Variants in RALYL observed in about 807,000 individuals in gnomAD.
RALYL encodes the protein RALY RNA binding protein like.
RALYL carries 29 observed loss-of-function variants against 35.1 expected under a neutral mutation model. The ratio of observed to expected loss-of-function variants is 0.83; its 90% CI spans 0.61 to 1.13. The LOEUF (loss-of-function observed/expected upper bound fraction) is 1.13, where lower values mean the gene tolerates loss of function less well. Among genes scored for constraint, RALYL ranks in the 50% most tolerant of loss-of-function variants. The pLI is 0.00. For synonymous variants in RALYL, 120 were observed against 127.6 expected (o/e 0.94, Z 0.40); for missense variants, 359 against 360.4 (o/e 1.00, Z 0.03).
At chr8:84,545,898 A>G (rs2060321173) in intron 2 of RALYL, among the ~76,000 whole-genome samples, 1 of 152,170 alleles carries the variant, frequency 6.6e-6, no homozygotes, top group Admixed American at 6.5e-5. Context: ...TTATCAAATT[A>G]TTATGTTTTT....
intron 1 of RALYL, among the ~76,000 whole-genome samples, chr8:84,186,914 T>C (rs914169368): frequency 7.2e-5 from 11 of 152,154 alleles, no homozygotes; most frequent in African/African-American, 2.7e-4. Flanking sequence ...GAAGGTAGTA[T>C]CCTAGATTTA....
intron 1 of RALYL, among the ~76,000 whole-genome samples, chr8:84,228,113 C>T (rs1254727104): frequency 6.7e-6 from 1 of 149,384 alleles, no homozygotes; most frequent in Non-Finnish European, 1.5e-5. Flanking sequence ...ATTCCTTTGT[C>T]CCAAAGTGCT....
intron 2 of RALYL, among the ~76,000 whole-genome samples, chr8:84,594,293 G>A (rs974130734): frequency 2.0e-5 from 3 of 151,984 alleles, no homozygotes; most frequent in African/African-American, 7.2e-5. Context: ...AGACAAAATA[G>A]GATATTATAA....
chr8:84,374,663 C>T (rs1856568919), intron 1 of RALYL, among the ~76,000 whole-genome samples: 1 of 151,782 alleles, frequency 6.6e-6, no homozygotes, highest in South Asian at 2.1e-4. Flanking sequence ...ATGATAAGAA[C>T]TCATGCACAC....
At position 84,844,584 on chromosome 8, in the gene RALYL, A is replaced by G. The variant is rs567937209; in HGVS notation, c.366-5396A>G. 2.4e-4 allele frequency among the ~76,000 whole-genome samples: 36 copies of G among 152,362 alleles called. 1 individual carries two copies. The South Asian group carries it at 7.2e-3, about 31-fold the overall frequency. On this transcript the variant is annotated intron_variant, in intron 4 of 8. Transcript: ENST00000521268. ...GGCAATTCCTCAGGGATCCAGAACT[A>G]GAAATACCATTTGACCCAGCCATCC...
Position 84,544,265 on chromosome 8 carries a change from T to A in RALYL, c.256+14688T>A, listed in dbSNP as rs557526401. Reference sequence around the variant, plus strand: ...CACGATTCCAAAATCAAATTAAAAATATATATATTCAAAGAAATTTAGCTT... The same window carrying A: ...CACGATTCCAAAATCAAATTAAAAAAATATATATTCAAAGAAATTTAGCTT... On this transcript the variant is annotated intron_variant, in intron 2 of 8. Coordinates refer to ENST00000521268, the MANE Select transcript of RALYL (RefSeq NM_173848.7). Among the ~76,000 whole-genome samples, 467 of 152,062 alleles carry A rather than the reference T, an allele frequency of 3.1e-3. 2 individuals are homozygous for A. The highest frequency in any genetic ancestry group is 0.01 in the African/African-American group (435 of 41,532).
chr8:84,656,175 T>G (rs965406841), intron 2 of RALYL, among the ~76,000 whole-genome samples: 1 of 152,166 alleles, frequency 6.6e-6, no homozygotes, highest in African/African-American at 2.4e-5. Flanking sequence ...AGTACAAGAC[T>G]GGTTTTTACC....
In RALYL at chr8:84,284,731, A is replaced by G. The variant is rs942231627; in HGVS notation, c.-24+100307A>G. The stretch of plus-strand genomic sequence containing the variant: ...GAAGTCATTAATTGGAAAGAGACAC[A>G]GGTTAAAATTCATTTGGCAGTGATA... On this transcript the variant is annotated intron_variant, in intron 1 of 8. Transcript: ENST00000521268. Among the ~76,000 whole-genome samples the G allele has an allele frequency of 6.6e-5, 10 of 152,336 alleles. No homozygotes were observed. The East Asian group carries it at 1.9e-3, about 29-fold the overall frequency.
At chr8:84,848,877 C>G (rs529512910) in intron 4 of RALYL, among the ~76,000 whole-genome samples, 1 of 152,172 alleles carries the variant, frequency 6.6e-6, no homozygotes, top group East Asian at 1.9e-4. Context: ...TACAGTTACT[C>G]CATTCATCAT....
chr8:84,209,772 T>TTC (rs1819003949), intron 1 of RALYL, among the ~76,000 whole-genome samples: 1 of 152,164 alleles, frequency 6.6e-6, no homozygotes, highest in Admixed American at 6.5e-5. Context: ...CATGACAAAG[T>TTC]AGATTTGGCA....
intron 1 of RALYL, among the ~76,000 whole-genome samples, chr8:84,461,680 A>G (rs2050788816): frequency 6.6e-6 from 1 of 151,720 alleles, no homozygotes; most frequent in Non-Finnish European, 1.5e-5. Flanking sequence ...ATACTTCTTC[A>G]TGGCAAAAAA....
intron 1 of RALYL, among the ~76,000 whole-genome samples, chr8:84,251,215 A>C (rs906027062): frequency 1.7e-4 from 26 of 152,260 alleles, no homozygotes; most frequent in African/African-American, 5.8e-4. Context: ...ATATTAAATG[A>C]TGGCTTTTGC....
intron 4 of RALYL, among the ~76,000 whole-genome samples, chr8:84,811,308 T>C (rs191747180): frequency 6.6e-6 from 1 of 152,260 alleles, no homozygotes; most frequent in East Asian, 1.9e-4. Context: ...TCTTGAATGA[T>C]AATTGTTTTG....
intron 4 of RALYL, among the ~76,000 whole-genome samples, chr8:84,840,301 C>G (rs1224587275): frequency 6.6e-6 from 1 of 152,078 alleles, no homozygotes; most frequent in African/African-American, 2.4e-5. Context: ...AAAACCAAGG[C>G]ACCAGAACTA....
At chr8:84,718,475 A>G (rs1299884367) in intron 2 of RALYL, among the ~76,000 whole-genome samples, 2 of 152,142 alleles carry the variant, frequency 1.3e-5, no homozygotes, top group African/African-American at 2.4e-5. Context: ...GTTAAGAAAC[A>G]TTCTCTGGCC....
At chr8:84,464,711 G>A (rs1356978377) in intron 1 of RALYL, among the ~76,000 whole-genome samples, 3 of 151,976 alleles carry the variant, frequency 2.0e-5, no homozygotes, top group South Asian at 2.1e-4. Flanking sequence ...CTAAGGAATC[G>A]CTACACTGAC....
chr8:84,456,130 G>A (rs2050105612), intron 1 of RALYL, among the ~76,000 whole-genome samples: 1 of 151,962 alleles, frequency 6.6e-6, no homozygotes, highest in Non-Finnish European at 1.5e-5. Flanking sequence ...AGACCAATGG[G>A]GCAGAGAGAC....
At chr8:84,909,700 CT>C (rs1229278724) in intron 8 of RALYL, among the ~76,000 whole-genome samples, 1 of 151,996 alleles carries the variant, frequency 6.6e-6, no homozygotes, top group Non-Finnish European at 1.5e-5. Context: ...GTTTTTTAAT[CT>C]ATAATATGAG....
chr8:84,437,112 G>A (rs1312409945), intron 1 of RALYL, among the ~76,000 whole-genome samples: 1 of 152,038 alleles, frequency 6.6e-6, no homozygotes, highest in East Asian at 1.9e-4. Flanking sequence ...TTGTAAATGA[G>A]AACATGTTGT....
Sources: gnomAD v4.1 joint callset for allele counts (sites outside exome capture counted in the v4.1 genomes callset) on GRCh38, gnomAD v4.1.1 for gene constraint, MANE v1.5 for transcripts, NCBI Gene and HGNC (gene_info 2026-07-23, HGNC 2026-07-21) for gene names.